The following SPTY2D1 variants were observed in gnomAD, a reference collection of about 807,000 sequenced individuals.
SPTY2D1 encodes the protein SPT2 chromatin protein domain containing 1, also known as protein SPT2 homolog.
SPTY2D1 carries 21 observed loss-of-function variants against 64.0 expected under a neutral mutation model. That is an observed-to-expected ratio of 0.33 (90% CI 0.23 to 0.47). The LOEUF is 0.47. Among genes scored for constraint, SPTY2D1 ranks in the 20% least tolerant of loss-of-function variants. SPTY2D1 has a pLI of 1.00. For missense variants in SPTY2D1, 724 were observed against 837.2 expected, an observed-to-expected ratio of 0.86 and a Z score of 1.67; for synonymous variants, 287 against 286.8, an observed-to-expected ratio of 1.00 and a Z score of -0.01.
intron 1 of SPTY2D1, among the ~76,000 whole-genome samples, chr11:18,623,002 T>G (rs1854440548): frequency 6.7e-6 from 1 of 148,492 alleles, no homozygotes; most frequent in Non-Finnish European, 1.5e-5. Flanking sequence ...ACATTCCATG[T>G]ATAACTTTTG....
At chr11:18,619,229 T>C (rs1046923003) in intron 1 of SPTY2D1, among the ~76,000 whole-genome samples, 1 of 151,936 alleles carries the variant, frequency 6.6e-6, no homozygotes, top group Admixed American at 6.6e-5. Flanking sequence ...AATGAAGACA[T>C]ACAAAAAACT....
intron 1 of SPTY2D1, among the ~76,000 whole-genome samples, chr11:18,629,892 C>G (rs557883335): frequency 6.6e-6 from 1 of 152,164 alleles, no homozygotes; most frequent in African/African-American, 2.4e-5. Flanking sequence ...AAAGCTCTGC[C>G]GGGCACGGTG....
At position 18,612,271 on chromosome 11, in the gene SPTY2D1, A is replaced by T; in HGVS notation, c.1886+43T>A. ...CCCCATGACATGAATTATTCAAAAT[A>T]AAAAAAGGATGTCATAGTTATCTGA... On this transcript the variant is annotated intron_variant, in intron 4 of 5. Coordinates refer to ENST00000336349, the MANE Select transcript of SPTY2D1 (RefSeq NM_194285.3). The surrounding 1 kb of genome is among the most constrained non-coding windows in gnomAD (Gnocchi z 4.6). The T allele has an allele frequency of 6.8e-7, 1 of 1,480,850 alleles. No individual in the cohort carries two copies. Among genetic ancestry groups the T allele is most frequent in the Non-Finnish European group, 9.1e-7 (1 of 1,098,408 alleles). The allele number at this position is 1,480,850 out of a possible 1,614,324, so 91.7% of individuals were successfully genotyped here.
At chr11:18,631,605 A>AAC (rs1565163629) in intron 1 of SPTY2D1, among the ~76,000 whole-genome samples, 3 of 131,620 alleles carry the variant, frequency 2.3e-5, no homozygotes, top group African/African-American at 1.0e-4. Flanking sequence ...TAGATAACAA[A>AAC]AAAAAAAAAA....
chr11:18,611,130 T>C (rs1854199338), intron 5 of SPTY2D1, among the ~76,000 whole-genome samples: 1 of 151,740 alleles, frequency 6.6e-6, no homozygotes, highest in Non-Finnish European at 1.5e-5. Context: ...CCCCATCTCT[T>C]AAAAACAAAA....
At chr11:18,614,457 T>C (rs1854255353) in intron 3 of SPTY2D1, 106 bp downstream of exon 3, 2 of 1,096,790 alleles carry the variant, frequency 1.8e-6, no homozygotes, top group Non-Finnish European at 2.6e-6. Flanking sequence ...CTACAGCACA[T>C]TAAAGGACAG....
At position 18,612,226 on chromosome 11, in the gene SPTY2D1, C is replaced by A; in HGVS notation, c.1886+88G>T. 9.7e-7 allele frequency: 1 copy of A among 1,028,614 alleles called. No individual in the cohort carries two copies. Among genetic ancestry groups the A allele is most frequent in the South Asian group, 2.0e-5 (1 of 50,084 alleles). 63.7% of individuals were successfully genotyped at this position (1,028,614 alleles called of 1,614,324 possible). On this transcript the variant is annotated intron_variant, in intron 4 of 5. Coordinates refer to ENST00000336349, the MANE Select transcript of SPTY2D1 (RefSeq NM_194285.3). This position sits in a 1 kb window ranked among gnomAD's most constrained non-coding sequence, Gnocchi z 4.6. ...TCCTAATTAAGAATTGTATTCAGTG[C>A]CTCCACTATTAGTTTATTACCCCAT...
At chr11:18,632,163 A>AG (rs1330077241) in intron 1 of SPTY2D1, among the ~76,000 whole-genome samples, 6 of 151,844 alleles carry the variant, frequency 4.0e-5, no homozygotes, top group Non-Finnish European at 7.4e-5. Context: ...AAAAAAAAAA[A>AG]AAAAGAAGAA....
intron 1 of SPTY2D1, among the ~76,000 whole-genome samples, chr11:18,626,496 G>A (rs1313777118): frequency 6.6e-6 from 1 of 151,898 alleles, no homozygotes; most frequent in Admixed American, 6.6e-5. Context: ...GGTTCAAGCT[G>A]TGTAGGTAAC....
chr11:18,625,929 C>T (rs945656984), intron 1 of SPTY2D1, among the ~76,000 whole-genome samples: 14 of 151,794 alleles, frequency 9.2e-5, no homozygotes, highest in Non-Finnish European at 1.0e-4. Context: ...AATTCTCCTG[C>T]CTCAGCCTCC....
chr11:18,617,028 T>C (rs764516171), intron 1 of SPTY2D1, 39 bp from the exon 2 acceptor site: 4 of 1,564,422 alleles, frequency 2.6e-6, no homozygotes, highest in Non-Finnish European at 2.6e-6. Flanking sequence ...GCAATTCAAC[T>C]TTTAAAATAC....
rs370323794 is a variant in SPTY2D1, at chr11:18,616,123, G to A, written c.176-25C>T. The A allele has an allele frequency of 7.7e-6, 12 of 1,552,456 alleles. No individual in the cohort carries two copies. The African/African-American group carries it at 1.1e-4, about 14-fold the overall frequency. On this transcript the variant is annotated intron_variant, in intron 2 of 5. Coordinates refer to ENST00000336349, the MANE Select transcript of SPTY2D1 (RefSeq NM_194285.3). ...GCTAAAAGGGACAAAACAAGAATAT[G>A]TTATTACTTCGAGATCTCAAGATTG...
intron 5 of SPTY2D1, among the ~76,000 whole-genome samples, chr11:18,610,999 T>C (rs939468194): frequency 4.6e-5 from 7 of 152,336 alleles, no homozygotes; most frequent in African/African-American, 1.7e-4. Context: ...ATTCTCATTT[T>C]ACAAAAGAAA....
chr11:18,612,070 TATAAGA>T lies in SPTY2D1; in HGVS notation c.1886+238_1886+243del, dbSNP rs1363238277. ...CTTCCATCTCACTAAATATATATCT[TATAAGA>T]ATAACAATTTAAAAGGGTTATTTTT... On this transcript the variant is annotated intron_variant, in intron 4 of 5. Transcript: ENST00000336349. The surrounding 1 kb of genome is among the most constrained non-coding windows in gnomAD (Gnocchi z 4.6). 9.5e-6 allele frequency: 3 copies of T among 316,290 alleles called. No homozygotes were observed. Among genetic ancestry groups the T allele is most frequent in the East Asian group, 5.8e-5 (1 of 17,224 alleles). 19.6% of individuals were successfully genotyped at this position (316,290 alleles called of 1,614,324 possible).
intron 5 of SPTY2D1, 57 bp from the exon 6 acceptor site, chr11:18,610,011 TAAA>T: frequency 6.7e-7 from 1 of 1,492,484 alleles, no homozygotes; most frequent in South Asian, 1.2e-5. Flanking sequence ...CCACTTTCCT[TAAA>T]AAGAATGAAA....
intron 1 of SPTY2D1, among the ~76,000 whole-genome samples, chr11:18,623,924 C>T (rs964907369): frequency 6.6e-6 from 1 of 152,160 alleles, no homozygotes; most frequent in Non-Finnish European, 1.5e-5. Flanking sequence ...TATAGATATA[C>T]CATGCATTAT....
Position 18,623,684 on chromosome 11 carries a change from G to A in SPTY2D1, c.61-6695C>T, listed in dbSNP as rs569920100. On this transcript the variant is annotated intron_variant, in intron 1 of 5. Coordinates refer to ENST00000336349, the MANE Select transcript of SPTY2D1 (RefSeq NM_194285.3). ...AAAGGAGTTCTATCTCAAGACTACA[G>A]CATGAACTCCTGCCTGATTTTCCAG... is the stretch of plus-strand genomic sequence containing the variant. Among the ~76,000 whole-genome samples the A allele has an allele frequency of 2.6e-5, 4 of 152,330 alleles. 1 individual carries two copies. In the South Asian group the frequency reaches 8.3e-4, roughly 32 times the overall value.
chr11:18,615,393 T>C lies in SPTY2D1; in HGVS notation c.881A>G (p.Asn294Ser), dbSNP rs1854281427. 1.9e-6 allele frequency: 3 copies of C among 1,614,080 alleles called. No homozygotes were observed. The highest frequency in any genetic ancestry group is 2.5e-6 in the Non-Finnish European group (3 of 1,180,040). ...CTCACGAAGTGAGGGTTGGGAGCTA[T>C]TGCCAGATCCTGCCTTGATCCTCTC... The part of the protein sequence containing the change: ...PGERIKAGSG[N>S]SSQPSLREGH... Residue 294 changes from asparagine to serine, a missense_variant, in exon 3 of 6, where the codon AAT becomes AGT. By Grantham distance (46) the Asn-to-Ser change is conservative. Transcript: ENST00000336349.
At chr11:18,619,659 A>C (rs1406225249) in intron 1 of SPTY2D1, among the ~76,000 whole-genome samples, 1 of 152,064 alleles carries the variant, frequency 6.6e-6, no homozygotes, top group Non-Finnish European at 1.5e-5. Flanking sequence ...TGGGAGGATG[A>C]GGCAAGAGAA....
Sources: gnomAD v4.1 joint callset for allele counts (sites outside exome capture counted in the v4.1 genomes callset) on GRCh38, gnomAD v4.1.1 for gene constraint, Gnocchi (gnomAD v3.1) non-coding constraint, MANE v1.5 for transcripts, NCBI Gene and HGNC (gene_info 2026-07-23, HGNC 2026-07-21) for gene names.